The following AK2 variants were observed in gnomAD, a reference collection of about 807,000 sequenced individuals.
The protein encoded by AK2 is adenylate kinase 2, mitochondrial.
A neutral mutation model predicts 24.6 loss-of-function variants in AK2; 15 were observed. The ratio of observed to expected loss-of-function variants is 0.61; its 90% CI spans 0.41 to 0.94. The LOEUF (loss-of-function observed/expected upper bound fraction) is 0.94, where lower values mean the gene tolerates loss of function less well. Among genes scored for constraint, AK2 ranks in the 40% least tolerant of loss-of-function variants. The pLI, the probability that AK2 is intolerant of heterozygous loss-of-function variation, is 0.00. For synonymous variants in AK2, 102 were observed against 114.0 expected (o/e 0.90, Z 0.67); for missense variants, 257 against 304.1 (o/e 0.85, Z 1.15).
In AK2 at chr1:33,011,157, C is replaced by T. The variant is rs1638796503; in HGVS notation, c.*2024G>A. 9 of 1,360,510 alleles carry T rather than the reference C, an allele frequency of 6.6e-6. No individual in the cohort carries two copies. The highest frequency in any genetic ancestry group is 5.8e-5 in the South Asian group (4 of 68,536). 84.3% of individuals were successfully genotyped at this position (1,360,510 alleles called of 1,614,324 possible). On this transcript the variant is annotated 3_prime_UTR_variant, in exon 6 of 6. Transcript: ENST00000672715. ...CAAATATTTGGGCAAGGATCATGCA[C>T]ATAAAATTAGCAAACATTCAAGAAC...
chr1:33,014,607 AAATG>A lies in AK2; in HGVS notation c.426-17_426-14del. The A allele has an allele frequency of 1.2e-6, 2 of 1,608,112 alleles. No individual in the cohort carries two copies. The highest frequency in any genetic ancestry group is 3.3e-5 in the Admixed American group (2 of 59,830). On this transcript the variant is annotated splice_polypyrimidine_tract_variant and intron_variant, in intron 4 of 5. Transcript: ENST00000672715. ...GGGGTGAATCAGCCTGAAAGACAGC[AAATG>A]AATATGAGTTAGGTTAACTGACAGT...
At chr1:33,017,255 T>C (rs1210392308) in intron 4 of AK2, among the ~76,000 whole-genome samples, 1 of 152,194 alleles carries the variant, frequency 6.6e-6, no homozygotes. Context: ...GAGGGAACCA[T>C]GGATATGGAA....
rs1255153968 is a variant in AK2, at chr1:33,009,562, A to G, written c.*3619T>C. The G allele has an allele frequency of 2.2e-6, 1 of 454,144 alleles. No individual in the cohort carries two copies. The highest frequency in any genetic ancestry group is 2.3e-5 in the Admixed American group (1 of 42,578). The allele number at this position is 454,144 out of a possible 1,614,324, so 28.1% of individuals were successfully genotyped here. A position where few individuals can be genotyped will look rare whatever the true frequency, so the allele number is the denominator to read the frequency against. The stretch of plus-strand genomic sequence containing the variant: ...GGTACTGAGCAAAAACCTTCTTCCT[A>G]TAAATTTCATTTAATGCCATTAAGG... On this transcript the variant is annotated 3_prime_UTR_variant, in exon 6 of 6. Transcript: ENST00000672715.
In AK2 at chr1:33,009,244, C is replaced by G. The variant is rs1270972334; in HGVS notation, c.*3937G>C. 2.2e-6 allele frequency: 1 copy of G among 454,026 alleles called. No homozygotes were observed. The highest frequency in any genetic ancestry group is 2.0e-5 in the African/African-American group (1 of 50,110). The allele number at this position is 454,026 out of a possible 1,614,324, so 28.1% of individuals were successfully genotyped here. A position where few individuals can be genotyped will look rare whatever the true frequency, so the allele number is the denominator to read the frequency against. ...CAACAGTCATTTCTCAGAAACCTCA[C>G]TTGCAAAGGCAGCCCTTCCAAAAAC... On this transcript the variant is annotated 3_prime_UTR_variant, in exon 6 of 6. Transcript: ENST00000672715.
intron 4 of AK2, among the ~76,000 whole-genome samples, chr1:33,016,761 A>G (rs1182675119): frequency 6.9e-6 from 1 of 145,110 alleles, no homozygotes; most frequent in African/African-American, 2.6e-5. Context: ...GCTGGAGTGC[A>G]GTGTCATGGT....
intron 1 of AK2, among the ~76,000 whole-genome samples, chr1:33,034,194 C>A (rs1049319886): frequency 1.3e-5 from 2 of 152,044 alleles, no homozygotes; most frequent in Non-Finnish European, 2.9e-5. Context: ...AAATCTTATC[C>A]TTTCAACTCC....
intron 5 of AK2, 24 bp downstream of exon 5, chr1:33,014,498 A>T (rs760180609): frequency 6.2e-7 from 1 of 1,600,604 alleles, no homozygotes; most frequent in Non-Finnish European, 8.6e-7. Flanking sequence ...AGAAAAGGAA[A>T]TTTTTTGTCC....
intron 4 of AK2, among the ~76,000 whole-genome samples, chr1:33,016,866 C>T (rs370935596): frequency 6.6e-6 from 1 of 151,204 alleles, no homozygotes; most frequent in African/African-American, 2.4e-5. Flanking sequence ...CCACCACGCC[C>T]GGCTAATTTT....
In AK2 at chr1:33,021,650, C is replaced by G; in HGVS notation, c.273G>C (p.Leu91Phe). The change falls in exon 3 of 6, where the codon TTG (leucine) becomes TTC (phenylalanine). Residue 91 changes from leucine (L) to phenylalanine (F), a missense_variant. By Grantham distance (22) the Leu-to-Phe change is conservative (BLOSUM62 0). Coordinates refer to ENST00000672715, the MANE Select transcript of AK2 (RefSeq NM_001625.4). Reference sequence around the variant, plus strand: ...CATCCAGAAGAAAACCATTTTTGCACAAGGGGGTCTCCAAATTCTTCTCAA... The same window carrying G: ...CATCCAGAAGAAAACCATTTTTGCAGAAGGGGGTCTCCAAATTCTTCTCAA... ...ELIEKNLETP[L>F]CKNGFLLDGF... 1 of 1,614,180 alleles carries G rather than the reference C, an allele frequency of 6.2e-7. No individual in the cohort carries two copies. The highest frequency in any genetic ancestry group is 8.5e-7 in the Non-Finnish European group (1 of 1,180,024).
At chr1:33,019,849 A>G (rs1415460542) in intron 4 of AK2, 1 of 1,243,838 alleles carries the variant, frequency 8.0e-7, no homozygotes, top group Non-Finnish European at 1.0e-6. Context: ...GGAAATAAGT[A>G]AACAATGGTT....
At position 33,014,550 on chromosome 1, in the gene AK2, T is replaced by C. The variant is rs371672441; in HGVS notation, c.470A>G (p.Asn157Ser). 2.7e-5 allele frequency: 44 copies of C among 1,612,628 alleles called. No individual in the cohort carries two copies. Among genetic ancestry groups the C allele is most frequent in the Admixed American group, 5.0e-5 (3 of 59,950 alleles). Residue 157 changes from asparagine (N) to serine (S), a missense_variant, in exon 5 of 6, where the codon AAC (asparagine) becomes AGC (serine). Coordinates refer to ENST00000672715, the MANE Select transcript of AK2 (RefSeq NM_001625.4). ...KSGRSYHEEF[N>S]PPKEPMKDDI... ...ATCTTTCATGGGCTCTTTTGGAGGGTTGAACTCCTCGTGGTAGGAACGGCC... is the reference window on the plus strand; with the variant it reads ...ATCTTTCATGGGCTCTTTTGGAGGGCTGAACTCCTCGTGGTAGGAACGGCC...
rs1210509745 is a variant in AK2 at position 33,009,335 on chromosome 1, T to G, written c.*3846A>C. 3 of 454,092 alleles carry G rather than the reference T, an allele frequency of 6.6e-6. No homozygotes were observed. The highest frequency in any genetic ancestry group is 6.9e-5 in the East Asian group (1 of 14,394). The allele number at this position is 454,092 out of a possible 1,614,324, so 28.1% of individuals were successfully genotyped here. Reference sequence around the variant, plus strand: ...TGCTGGAGAGGAAATGAATTTAAACTAGGACACACAGAGAAGCAACAAAGA... The same window carrying G: ...TGCTGGAGAGGAAATGAATTTAAACGAGGACACACAGAGAAGCAACAAAGA... On this transcript the variant is annotated 3_prime_UTR_variant, in exon 6 of 6. Transcript: ENST00000672715.
chr1:33,024,895 T>C (rs1365518541), intron 1 of AK2, among the ~76,000 whole-genome samples: 1 of 152,122 alleles, frequency 6.6e-6, no homozygotes, highest in Non-Finnish European at 1.5e-5. Flanking sequence ...CCATTATAAA[T>C]GGGAAGACTT....
chr1:33,008,220 T>A lies in AK2; in HGVS notation c.*4961A>T, dbSNP rs956324879. 3.3e-5 allele frequency: 15 copies of A among 454,086 alleles called. No homozygotes were observed. Among genetic ancestry groups the A allele is most frequent in the African/African-American group, 3.0e-4 (15 of 50,020 alleles). 28.1% of individuals were successfully genotyped at this position (454,086 alleles called of 1,614,324 possible). A position where few individuals can be genotyped will look rare whatever the true frequency, so the allele number is the denominator to read the frequency against. On this transcript the variant is annotated 3_prime_UTR_variant, in exon 6 of 6. Transcript: ENST00000672715. ...CCCACATGAGTATCTTGGTCACTAGTGTCATCAGCACCTTTGAGGGGTAGG... is the reference window on the plus strand; with the variant it reads ...CCCACATGAGTATCTTGGTCACTAGAGTCATCAGCACCTTTGAGGGGTAGG...
In AK2 at chr1:33,009,529, G is replaced by A; in HGVS notation, c.*3652C>T. On this transcript the variant is annotated 3_prime_UTR_variant, in exon 6 of 6. Coordinates refer to ENST00000672715, the MANE Select transcript of AK2 (RefSeq NM_001625.4). ...AACTAACATTTATCCAATGTCTGTT[G>A]CATGCCAGGTACTGAGCAAAAACCT... 2.2e-6 allele frequency: 1 copy of A among 454,094 alleles called. No individual in the cohort carries two copies. 28.1% of individuals were successfully genotyped at this position (454,094 alleles called of 1,614,324 possible). A position where few individuals can be genotyped will look rare whatever the true frequency, so the allele number is the denominator to read the frequency against.
At chr1:33,032,300 C>A (rs1640286682) in intron 1 of AK2, 1 of 152,300 alleles carries the variant, frequency 6.6e-6, no homozygotes, top group Admixed American at 6.5e-5. Context: ...CACACAACTG[C>A]AAGTGACTGC....
At position 33,011,812 on chromosome 1, in the gene AK2, C is replaced by T. The variant is rs1638838126; in HGVS notation, c.*1369G>A. ...GTTATGAATAAAAGCTGGTAACTGT[C>T]ACAGGTGGTCTTATTTCTGGGTGAT... On this transcript the variant is annotated 3_prime_UTR_variant, in exon 6 of 6. Coordinates refer to ENST00000672715, the MANE Select transcript of AK2 (RefSeq NM_001625.4). The T allele has an allele frequency of 6.7e-7, 1 of 1,498,996 alleles. No homozygotes were observed. Among genetic ancestry groups the T allele is most frequent in the African/African-American group, 1.4e-5 (1 of 72,400 alleles). 92.9% of individuals were successfully genotyped at this position (1,498,996 alleles called of 1,614,324 possible). A position where few individuals can be genotyped will look rare whatever the true frequency, so the allele number is the denominator to read the frequency against.
intron 4 of AK2, among the ~76,000 whole-genome samples, 186 bp from the exon 5 acceptor site, chr1:33,014,780 C>T (rs1033179935): frequency 6.6e-6 from 1 of 152,212 alleles, no homozygotes; most frequent in African/African-American, 2.4e-5. Context: ...AGTATATTTT[C>T]TATTTTGACC....
chr1:33,023,988 T>C lies in AK2; in HGVS notation c.219+454A>G, dbSNP rs1178136795. On this transcript the variant is annotated intron_variant, in intron 2 of 5. Transcript: ENST00000672715. ...GAGTTTGAGACCAGCCTGGCCAACA[T>C]GGTGAAACCCCATCTCTACTAAAAA... The C allele has an allele frequency of 9.4e-5, 20 of 212,318 alleles. No homozygotes were observed. In the Admixed American group the frequency reaches 9.5e-4, roughly 10 times the overall value. 13.2% of individuals were successfully genotyped at this position (212,318 alleles called of 1,614,324 possible).
Sources: allele counts gnomAD v4.1 joint callset (sites outside exome capture counted in the v4.1 genomes callset), GRCh38; gene constraint gnomAD v4.1.1; transcripts MANE v1.5; gene names NCBI Gene and HGNC (gene_info 2026-07-23, HGNC 2026-07-21).